The following ATAD2B variants were observed in gnomAD, a reference collection of about 807,000 sequenced individuals.
The protein encoded by ATAD2B is ATPase family AAA domain containing 2B, also known as ATPase family AAA domain-containing protein 2B.
In ATAD2B, 40 loss-of-function variants were observed where a neutral mutation model predicts 167.6. That is an observed-to-expected ratio of 0.24 (90% CI 0.19 to 0.31). The LOEUF (loss-of-function observed/expected upper bound fraction) is 0.31. ATAD2B is among the 10% of genes least tolerant of loss of function. The probability of loss-of-function intolerance (pLI) is 1.00; values close to 1 mark genes in which losing one functional copy is unlikely to be tolerated. For missense variants in ATAD2B, 1,242 were observed against 1,757.2 expected (o/e 0.71, Z 5.24); for synonymous variants, 579 against 596.5 (o/e 0.97, Z 0.43).
chr2:23,888,279 T>C (rs1698982478), intron 3 of ATAD2B, 71 bp downstream of exon 3: 1 of 1,063,808 alleles, frequency 9.4e-7, no homozygotes, highest in Non-Finnish European at 1.4e-6. Flanking sequence ...ACTCTATTTT[T>C]CCCCACTTTA....
intron 19 of ATAD2B, among the ~76,000 whole-genome samples, chr2:23,791,750 A>T (rs1317616269): frequency 3.9e-5 from 6 of 152,196 alleles, no homozygotes. Context: ...GTTCCATTGT[A>T]TATGCTACAT....
chr2:23,926,181 C>G (rs1053746826), intron 1 of ATAD2B, among the ~76,000 whole-genome samples: 7 of 152,210 alleles, frequency 4.6e-5, no homozygotes, highest in Admixed American at 1.3e-4. Context: ...CCGCAGAAAA[C>G]TTTCACTTCT....
chr2:23,765,749 GTT>G (rs1677320739), intron 22 of ATAD2B, 121 bp from the exon 23 acceptor site: 2 of 606,594 alleles, frequency 3.3e-6, no homozygotes, highest in East Asian at 7.0e-5. Context: ...GTGAGAAAAA[GTT>G]TATTTAAAGT....
the ATAD2B span, chr2:23,695,628 G>C: frequency 6.5e-7 from 1 of 1,550,110 alleles, no homozygotes; most frequent in Non-Finnish European, 8.7e-7. This position sits in a 1 kb window ranked among gnomAD's most constrained non-coding sequence, Gnocchi z 7.6. Flanking sequence ...TGCAGTACGC[G>C]GCTGAGCTCC....
intron 13 of ATAD2B, among the ~76,000 whole-genome samples, chr2:23,836,854 G>C (rs1690065577): frequency 1.3e-5 from 2 of 152,136 alleles, no homozygotes; most frequent in Admixed American, 6.5e-5. Flanking sequence ...GGGACTCGGG[G>C]GAAGGAAGTG....
the ATAD2B span, among the ~76,000 whole-genome samples, chr2:23,730,793 T>C: frequency 1.3e-5 from 2 of 150,934 alleles, no homozygotes; most frequent in Non-Finnish European, 2.9e-5. Context: ...AAGAAAGTTC[T>C]CAAACCAATA....
intron 1 of ATAD2B, among the ~76,000 whole-genome samples, chr2:23,922,804 T>A (rs1324364558): frequency 6.6e-6 from 1 of 150,624 alleles, no homozygotes; most frequent in Non-Finnish European, 1.5e-5. Flanking sequence ...AAAACCACAA[T>A]GAGATATCAC....
intron 2 of ATAD2B, among the ~76,000 whole-genome samples, chr2:23,889,367 C>T (rs1463680801): frequency 1.3e-5 from 2 of 151,974 alleles, no homozygotes; most frequent in African/African-American, 4.8e-5. Flanking sequence ...GGGGTTTCAC[C>T]ATGTTGGTCA....
intron 2 of ATAD2B, among the ~76,000 whole-genome samples, chr2:23,890,147 G>A (rs1351846499): frequency 6.6e-6 from 1 of 151,200 alleles, no homozygotes; most frequent in African/African-American, 2.4e-5. Flanking sequence ...CCTGGGAGGT[G>A]GAGCTTACAG....
intron 22 of ATAD2B, among the ~76,000 whole-genome samples, chr2:23,775,217 G>GT (rs201108358): frequency 0.012 from 1,682 of 144,372 alleles, 43 homozygotes; most frequent in African/African-American, 0.034. Context: ...ATTTTTTTAT[G>GT]TTTTATTTTT....
intron 7 of ATAD2B, 44 bp from the exon 8 acceptor site, chr2:23,875,948 G>C (rs1159128528): frequency 1.5e-6 from 2 of 1,345,490 alleles, no homozygotes; most frequent in Non-Finnish European, 2.1e-6. Context: ...CTAATAAATT[G>C]ATAAATTAAT....
the ATAD2B span, among the ~76,000 whole-genome samples, chr2:23,740,408 A>C: frequency 6.6e-6 from 1 of 151,964 alleles, no homozygotes; most frequent in Admixed American, 6.6e-5. Context: ...TACGCAAATC[A>C]ATAAATGTAA....
chr2:23,873,901 T>C (rs935991075), intron 8 of ATAD2B, among the ~76,000 whole-genome samples: 1 of 152,252 alleles, frequency 6.6e-6, no homozygotes, highest in South Asian at 2.1e-4. Context: ...AAAATCCTAG[T>C]TGGGGCTGGG....
Position 23,867,945 on chromosome 2 carries a change from A to G in ATAD2B, c.1078T>C (p.Cys360Arg). 3.8e-6 allele frequency: 6 copies of G among 1,595,738 alleles called. No homozygotes were observed. In the Middle Eastern group the frequency reaches 1.0e-3, roughly 266 times the overall value. ...TCTGCTCTGAAGTTCATAGGCAAAC[A>G]TCTGAAATTTATAAAAGTGCAAGTA... ...SKSMARARNRCLPMNFRAEDL... is the reference protein window; with the variant it reads ...SKSMARARNRRLPMNFRAEDL... Residue 360 changes from cysteine (C) to arginine (R), a missense_variant and splice_region_variant, in exon 10 of 28, where the codon TGT becomes CGT. Transcript: ENST00000238789.
In ATAD2B at chr2:23,884,835, T is replaced by A; in HGVS notation, c.714A>T (p.Arg238Ser). 2 of 1,597,450 alleles carry A rather than the reference T, an allele frequency of 1.3e-6. No homozygotes were observed. Among genetic ancestry groups the A allele is most frequent in the Non-Finnish European group, 1.7e-6 (2 of 1,171,400 alleles). Residue 238 changes from arginine (R) to serine (S), a missense_variant, in exon 6 of 28, where the codon AGA becomes AGT. Coordinates refer to ENST00000238789, the MANE Select transcript of ATAD2B (RefSeq NM_017552.4). ...CATAACTATTTCTTCTTAGTGACTT[T>A]CTTCGCCTTTTCACTCTTGAATACA... ...MDMYSRVKRR[R>S]KSLRRNSYGI... is the part of the protein sequence containing the mutation.
At chr2:23,684,917 G>A in the ATAD2B span, among the ~76,000 whole-genome samples, 5 of 152,286 alleles carry the variant, frequency 3.3e-5, no homozygotes, top group East Asian at 3.9e-4. The surrounding 1 kb of genome is among the most constrained non-coding windows in gnomAD (Gnocchi z 4.4). Context: ...TGCCCCCACC[G>A]GGCCAGAGCA....
chr2:23,728,941 G>C, the ATAD2B span, among the ~76,000 whole-genome samples: 1 of 152,156 alleles, frequency 6.6e-6, no homozygotes. Context: ...CATGGCTGGG[G>C]AGGCCTCAGG....
intron 1 of ATAD2B, among the ~76,000 whole-genome samples, chr2:23,903,237 A>AAAAT (rs3029919): frequency 0.25 from 36,614 of 145,490 alleles, 5,844 homozygotes; most frequent in East Asian, 0.68. Context: ...CTGTGTCTCA[A>AAAAT]AAATAAATAA....
At chr2:23,908,234 C>CT (rs1338713884) in intron 1 of ATAD2B, among the ~76,000 whole-genome samples, 1 of 151,866 alleles carries the variant, frequency 6.6e-6, no homozygotes, top group Non-Finnish European at 1.5e-5. Context: ...TTTTCGCAAC[C>CT]TACTCATCTG....
Sources: gnomAD v4.1 joint callset for allele counts (sites outside exome capture counted in the v4.1 genomes callset) on GRCh38, gnomAD v4.1.1 for gene constraint, Gnocchi (gnomAD v3.1) non-coding constraint, MANE v1.5 for transcripts, NCBI Gene and HGNC (gene_info 2026-07-23, HGNC 2026-07-21) for gene names.